OR4Q3: variants seen among roughly 807,000 people sequenced by gnomAD.
The protein encoded by OR4Q3 is olfactory receptor 4Q3.
A neutral mutation model predicts 18.8 loss-of-function variants in OR4Q3; 17 were observed. The ratio of observed to expected loss-of-function variants is 0.91; its 90% CI spans 0.62 to 1.36. The LOEUF is 1.36. Ranked by LOEUF, OR4Q3 falls within the 40% of genes most tolerant of loss-of-function variation. OR4Q3 has a pLI of 0.00. For missense variants in OR4Q3, 378 were observed against 373.4 expected (o/e 1.01, Z -0.10); for synonymous variants, 158 against 145.8 (o/e 1.08, Z -0.60).
At chr14:19,749,548 G>C, downstream of OR4Q3, 2 of 125,622 alleles carry the variant, frequency 1.6e-5, no homozygotes, top group Non-Finnish European at 3.1e-5. Flanking sequence ...GCAGTGAGCT[G>C]ACATCGCACC....
downstream of OR4Q3, among the ~76,000 whole-genome samples, chr14:19,750,794 G>A: frequency 6.6e-6 from 1 of 152,240 alleles, no homozygotes; most frequent in Non-Finnish European, 1.5e-5. Flanking sequence ...TAAATAGTGT[G>A]GGTGAGGGTG....
downstream of OR4Q3, among the ~76,000 whole-genome samples, chr14:19,749,801 TCTTTC>T: frequency 6.1e-5 from 5 of 81,942 alleles, no homozygotes; most frequent in Middle Eastern, 5.2e-3. Flanking sequence ...TCTTTCTCTC[TCTTTC>T]TCTCTATTTC....
At position 19,748,345 on chromosome 14, in the gene OR4Q3, A is replaced by G; in HGVS notation, c.942A>G (p.Pro314=). The change falls in exon 2 of 2, where the codon CCA becomes CCG. Residue 314 remains proline, a synonymous_variant. Transcript: ENST00000642117. ...CTATGAAGAAGCTGAGGATAAAACC[A>G]TGTGGCATTCCATTGCCTTGTTAAG... is the stretch of plus-strand genomic sequence containing the variant. The G allele has an allele frequency of 8.7e-6, 14 of 1,609,844 alleles. No homozygotes were observed. In the East Asian group the frequency reaches 1.8e-4, roughly 21 times the overall value.
chr14:19,746,486 G>C, intron 1 of OR4Q3, among the ~76,000 whole-genome samples: 3 of 152,130 alleles, frequency 2.0e-5, no homozygotes, highest in Non-Finnish European at 4.4e-5. Flanking sequence ...TTATTACTCT[G>C]TCCTGTAAAG....
At chr14:19,749,854 CTT>C, downstream of OR4Q3, among the ~76,000 whole-genome samples, 8 of 4,016 alleles carry the variant, frequency 2.0e-3, no homozygotes, top group African/African-American at 3.3e-3. Context: ...TTACTTCTTT[CTT>C]TCTTTCTTTC....
downstream of OR4Q3, among the ~76,000 whole-genome samples, chr14:19,751,875 A>G: frequency 6.6e-6 from 1 of 152,076 alleles, no homozygotes; most frequent in Non-Finnish European, 1.5e-5. Context: ...TTGCACCTCA[A>G]TTTCATTAAG....
downstream of OR4Q3, among the ~76,000 whole-genome samples, chr14:19,750,198 TG>T: frequency 6.6e-6 from 1 of 152,148 alleles, no homozygotes; most frequent in Non-Finnish European, 1.5e-5. Flanking sequence ...TTGGCCAGAC[TG>T]GTCTTGAACT....
chr14:19,747,863 G>A, exon 2 of OR4Q3: 5 of 1,614,068 alleles, frequency 3.1e-6, no homozygotes, highest in South Asian at 2.2e-5. Context: ...CCTTTGGTTG[G>A]TTCTTGCCTG....
chr14:19,743,607 A>G (rs35846916), exon 1 of OR4Q3: 19,378 of 149,736 alleles, frequency 0.13, 573 homozygotes, highest in South Asian at 0.23. Context: ...GAGAGGGTTG[A>G]TAGGATGAAT....
chr14:19,745,527 C>G, intron 1 of OR4Q3, among the ~76,000 whole-genome samples: 2 of 152,098 alleles, frequency 1.3e-5, no homozygotes, highest in Non-Finnish European at 2.9e-5. Context: ...TATGTGTTCC[C>G]ATTGTTTTCT....
downstream of OR4Q3, among the ~76,000 whole-genome samples, chr14:19,750,577 C>T: frequency 6.6e-6 from 1 of 152,206 alleles, no homozygotes; most frequent in Non-Finnish European, 1.5e-5. Context: ...GAAACTCCAT[C>T]TAATACTAGG....
At chr14:19,747,042 C>T in intron 1 of OR4Q3, among the ~76,000 whole-genome samples, 1 of 152,202 alleles carries the variant, frequency 6.6e-6, no homozygotes, top group Non-Finnish European at 1.5e-5. Flanking sequence ...GAGAGTACTC[C>T]ATTGATAATG....
chr14:19,746,186 G>C, intron 1 of OR4Q3, among the ~76,000 whole-genome samples: 1 of 151,710 alleles, frequency 6.6e-6, no homozygotes. Context: ...ACAAAGCTTG[G>C]GACACAAAAT....
At chr14:19,746,399 T>C in intron 1 of OR4Q3, among the ~76,000 whole-genome samples, 4 of 152,044 alleles carry the variant, frequency 2.6e-5, no homozygotes, top group African/African-American at 9.6e-5. Context: ...TCTAACAATA[T>C]CTTAGCAAAT....
Position 19,744,087 on chromosome 14 carries a change from C to G in OR4Q3, c.2+416C>G, listed in dbSNP as rs866281043. Among the ~76,000 whole-genome samples, 3 of 152,292 alleles carry G rather than the reference C, an allele frequency of 2.0e-5. No homozygotes were observed. The South Asian group carries it at 6.2e-4, about 32-fold the overall frequency. On this transcript the variant is annotated intron_variant, in intron 1 of 1. Coordinates refer to ENST00000642117, the Ensembl canonical transcript of OR4Q3. ...AAATCCTCTTTATGTTCCACAGGTA[C>G]AATATAGAATGCAATGTTTCAAACA...
downstream of OR4Q3, among the ~76,000 whole-genome samples, chr14:19,750,842 G>A: frequency 6.6e-6 from 1 of 152,236 alleles, no homozygotes; most frequent in South Asian, 2.1e-4. Flanking sequence ...CTTCTCTTTA[G>A]CTTCACTCTA....
At chr14:19,750,013 T>C, downstream of OR4Q3, among the ~76,000 whole-genome samples, 1 of 147,922 alleles carries the variant, frequency 6.8e-6, no homozygotes. Context: ...AGACAGAGTC[T>C]CACTCTTGTC....
At chr14:19,749,890 CTTTCTTTCTTTCTTTCTTT>C, downstream of OR4Q3, among the ~76,000 whole-genome samples, 2 of 36,166 alleles carry the variant, frequency 5.5e-5, no homozygotes, top group East Asian at 3.7e-3. Flanking sequence ...TTCTTTCTTT[CTTTCTTTCTTTCTTTCTTT>C]TTTCTTTCTT....
At chr14:19,749,860 TTCTTTC>T, downstream of OR4Q3, among the ~76,000 whole-genome samples, 2 of 11,148 alleles carry the variant, frequency 1.8e-4, no homozygotes, top group African/African-American at 2.6e-4. Context: ...CTTTCTTTCT[TTCTTTC>T]TTTCTTTCTT....
Sources: gnomAD v4.1 joint callset for allele counts (sites outside exome capture counted in the v4.1 genomes callset) on GRCh38, gnomAD v4.1.1 for gene constraint, MANE v1.5 for transcripts, NCBI Gene and HGNC (gene_info 2026-07-23, HGNC 2026-07-21) for gene names.